COL4A5: variants seen among roughly 807,000 people sequenced by gnomAD.
The protein encoded by COL4A5 is collagen alpha-5(IV) chain.
COL4A5 carries 26 observed loss-of-function variants against 130.2 expected under a neutral mutation model. That is an observed-to-expected ratio of 0.20 (90% CI 0.15 to 0.28). The LOEUF (loss-of-function observed/expected upper bound fraction) is 0.28, where lower values mean the gene tolerates loss of function less well. Ranked by LOEUF, COL4A5 falls within the 10% of genes least tolerant of loss-of-function variation. The probability of loss-of-function intolerance (pLI) is 1.00; values close to 1 mark genes in which losing one functional copy is unlikely to be tolerated. For missense variants in COL4A5, 1,131 were observed against 1,344.3 expected (o/e 0.84, Z 2.48); for synonymous variants, 496 against 439.6 (o/e 1.13, Z -1.60).
At chrX:108,609,106 A>G (rs2066783808) in intron 29 of COL4A5, among the ~76,000 whole-genome samples, 1 of 111,864 alleles carries the variant, frequency 8.9e-6, no homozygotes, top group Admixed American at 9.5e-5. Flanking sequence ...ATTTTTTACA[A>G]TTCTTTTTTA....
In COL4A5 at chrX:108,578,391, A is replaced by T; in HGVS notation, c.780+8A>T. 1 of 1,144,068 alleles carries T rather than the reference A, an allele frequency of 8.7e-7. No homozygotes were observed. Among genetic ancestry groups the T allele is most frequent in the Non-Finnish European group, 1.2e-6 (1 of 834,550 alleles). 94.3% of individuals were successfully genotyped at this position (1,144,068 alleles called of 1,213,427 possible). ...TTTCAGAAAGGAGATCAGGTGAGTA[A>T]GTAGGGAGGAAGTCAATGAAAATCT... On this transcript the variant is annotated splice_region_variant and intron_variant, in intron 13 of 52. Transcript: ENST00000328300.
At chrX:108,456,293 G>A (rs1214473456) in intron 1 of COL4A5, among the ~76,000 whole-genome samples, 1 of 111,582 alleles carries the variant, frequency 9.0e-6, no homozygotes, top group East Asian at 2.8e-4. Flanking sequence ...TTTATCCAAA[G>A]ATAAAATGCT....
At chrX:108,549,971 T>C (rs1010815097) in intron 2 of COL4A5, among the ~76,000 whole-genome samples, 6 of 111,233 alleles carry the variant, frequency 5.4e-5, no homozygotes, top group Admixed American at 3.8e-4. Flanking sequence ...AACAAATAAA[T>C]GCGTGAGTGA....
chrX:108,633,861 T>A (rs189450936), intron 36 of COL4A5, among the ~76,000 whole-genome samples: 2 of 112,050 alleles, frequency 1.8e-5, no homozygotes, highest in East Asian at 5.6e-4. Flanking sequence ...AAAGTTTTTT[T>A]AGCTCAGTTC....
intron 31 of COL4A5, among the ~76,000 whole-genome samples, chrX:108,621,156 T>TC (rs2067040333): frequency 9.7e-6 from 1 of 102,958 alleles, no homozygotes; most frequent in African/African-American, 3.7e-5. Context: ...CTTCCTTCCT[T>TC]CTTTTTTTTT....
intron 36 of COL4A5, among the ~76,000 whole-genome samples, chrX:108,627,848 A>AT (rs2067181698): frequency 9.0e-6 from 1 of 110,896 alleles, no homozygotes; most frequent in Non-Finnish European, 1.9e-5. Context: ...TATTTCATCA[A>AT]TTTTAATACT....
intron 2 of COL4A5, among the ~76,000 whole-genome samples, chrX:108,553,212 C>T (rs1198792179): frequency 9.0e-6 from 1 of 111,411 alleles, no homozygotes; most frequent in Admixed American, 9.6e-5. Context: ...AAACACGATC[C>T]ACCAAAGAAA....
intron 40 of COL4A5, among the ~76,000 whole-genome samples, chrX:108,667,611 G>C (rs1377653614): frequency 2.8e-5 from 3 of 108,842 alleles, no homozygotes; most frequent in Non-Finnish European, 5.7e-5. Context: ...TCCCTCTTTT[G>C]TGCTTACTCT....
At chrX:108,664,845 T>C (rs1317433269) in intron 37 of COL4A5, among the ~76,000 whole-genome samples, 1 of 111,933 alleles carries the variant, frequency 8.9e-6, no homozygotes, top group Admixed American at 9.5e-5. Context: ...AAATGCAAAT[T>C]AAAACCACAA....
At chrX:108,480,432 A>G (rs1440275582) in intron 1 of COL4A5, among the ~76,000 whole-genome samples, 3 of 112,837 alleles carry the variant, frequency 2.7e-5, no homozygotes, top group Non-Finnish European at 5.6e-5. Flanking sequence ...CACTGATCCA[A>G]TCAGCATAAT....
chrX:108,630,999 G>A lies in COL4A5; in HGVS notation c.3246+4650G>A, dbSNP rs1261631730. 3.6e-5 allele frequency among the ~76,000 whole-genome samples: 4 copies of A among 111,645 alleles called. No homozygotes were observed. The East Asian group carries it at 1.1e-3, about 32-fold the overall frequency. ...GTGTTATCTCTGAGGCCTCTGTTCT[G>A]TTCCATTGGTCTACATCTCTGTTTT... On this transcript the variant is annotated intron_variant, in intron 36 of 52. Transcript: ENST00000328300.
intron 1 of COL4A5, among the ~76,000 whole-genome samples, chrX:108,458,095 T>C (rs1199669527): frequency 1.8e-5 from 2 of 112,352 alleles, no homozygotes; most frequent in Non-Finnish European, 3.8e-5. Context: ...GTCCATTTTA[T>C]CACCTTTTTA....
intron 36 of COL4A5, among the ~76,000 whole-genome samples, chrX:108,647,588 G>C (rs1413745140): frequency 9.0e-6 from 1 of 111,377 alleles, no homozygotes; most frequent in Non-Finnish European, 1.9e-5. Context: ...TCTCCTGCCT[G>C]ATTGCCCTGG....
At chrX:108,547,201 T>C in intron 2 of COL4A5, among the ~76,000 whole-genome samples, 1 of 111,985 alleles carries the variant, frequency 8.9e-6, no homozygotes. Context: ...TTTAGAATTT[T>C]CAGTTTTTCT....
At chrX:108,533,740 T>A (rs2065416874) in intron 1 of COL4A5, among the ~76,000 whole-genome samples, 1 of 110,577 alleles carries the variant, frequency 9.0e-6, no homozygotes, top group Admixed American at 9.7e-5. Context: ...ACAGAGGGAA[T>A]AAACAACTTG....
chrX:108,468,148 G>A (rs2064727181), intron 1 of COL4A5, among the ~76,000 whole-genome samples: 1 of 111,564 alleles, frequency 9.0e-6, no homozygotes, highest in Non-Finnish European at 1.9e-5. Flanking sequence ...TTTAGACTGC[G>A]TTTTTACTGT....
At chrX:108,450,948 C>T (rs1333013403) in intron 1 of COL4A5, among the ~76,000 whole-genome samples, 3 of 108,746 alleles carry the variant, frequency 2.8e-5, no homozygotes, top group African/African-American at 1.0e-4. Context: ...CACCCATTAA[C>T]TCATCATTTA....
At chrX:108,457,262 C>G (rs1449947535) in intron 1 of COL4A5, among the ~76,000 whole-genome samples, 3 of 111,958 alleles carry the variant, frequency 2.7e-5, no homozygotes, top group African/African-American at 9.7e-5. Flanking sequence ...CTATTTTTAG[C>G]TTTACAAGAA....
At chrX:108,557,229 A>C (rs957911026) in intron 2 of COL4A5, among the ~76,000 whole-genome samples, 1 of 111,173 alleles carries the variant, frequency 9.0e-6, no homozygotes, top group Non-Finnish European at 1.9e-5. Context: ...TTCTGACTGA[A>C]ACTTGTGATC....
Sources: gnomAD v4.1 joint callset for allele counts (sites outside exome capture counted in the v4.1 genomes callset) on GRCh38, gnomAD v4.1.1 for gene constraint, MANE v1.5 for transcripts, NCBI Gene and HGNC (gene_info 2026-07-23, HGNC 2026-07-21) for gene names.